Variants in SFMBT2 observed in about 807,000 individuals in gnomAD.
SFMBT2 encodes Scm like with four mbt domains 2.
SFMBT2 carries 38 observed loss-of-function variants against 110.1 expected under a neutral mutation model. The ratio of observed to expected loss-of-function variants is 0.35; its 90% CI spans 0.27 to 0.45. SFMBT2 has a LOEUF of 0.45. Among genes scored for constraint, SFMBT2 ranks in the 20% least tolerant of loss-of-function variants. The pLI is 1.00. For synonymous variants in SFMBT2, 425 were observed against 425.4 expected (o/e 1.00, Z 0.01); for missense variants, 1,011 against 1,094.9 (o/e 0.92, Z 1.08).
intron 2 of SFMBT2, among the ~76,000 whole-genome samples, chr10:7,381,150 G>C (rs1438836141): frequency 6.6e-6 from 1 of 152,100 alleles, no homozygotes; most frequent in East Asian, 1.9e-4. Context: ...AGTCCGAGGA[G>C]GGAGCTGTTC....
chr10:7,298,951 CTG>C (rs1842485964), intron 4 of SFMBT2, among the ~76,000 whole-genome samples: 1 of 152,186 alleles, frequency 6.6e-6, no homozygotes, highest in South Asian at 2.1e-4. Flanking sequence ...TGGCTCACAT[CTG>C]TAACCCCAGC....
At chr10:7,340,576 C>A (rs577882202) in intron 4 of SFMBT2, among the ~76,000 whole-genome samples, 1 of 149,534 alleles carries the variant, frequency 6.7e-6, no homozygotes, top group African/African-American at 2.5e-5. Context: ...TGGCTTGAGC[C>A]CAGGAAGTGG....
rs760008467 is a variant in SFMBT2 at position 7,392,983 on chromosome 10, TTATATATATATATATATA to T, written c.-51-11052_-51-11035del. 4.2e-3 allele frequency among the ~76,000 whole-genome samples: 252 copies of T among 59,948 alleles called. 2 individuals carry two copies. The highest frequency in any genetic ancestry group is 0.021 in the Middle Eastern group (2 of 94). The allele number at this position is 59,948 out of a possible 152,430, so 39.3% of individuals were successfully genotyped here. On this transcript the variant is annotated intron_variant, in intron 1 of 20. Coordinates refer to ENST00000397167, the MANE Select transcript of SFMBT2 (RefSeq NM_001387889.1). The stretch of plus-strand genomic sequence containing the variant: ...CTATATATACAAGTATGTGGATAGA[TTATATATATATATATATA>T]TATATATATATATATATATATATAT...
At chr10:7,391,562 G>C (rs913791867) in intron 1 of SFMBT2, among the ~76,000 whole-genome samples, 1 of 151,996 alleles carries the variant, frequency 6.6e-6, no homozygotes, top group Non-Finnish European at 1.5e-5. Flanking sequence ...GTCCACCCAG[G>C]TGACTGCAAA....
intron 4 of SFMBT2, among the ~76,000 whole-genome samples, chr10:7,303,376 C>T (rs986392984): frequency 1.3e-5 from 2 of 152,162 alleles, no homozygotes; most frequent in African/African-American, 4.8e-5. Flanking sequence ...AGTAATTCAT[C>T]AATTTATGTA....
chr10:7,370,602 G>C (rs1323925133), intron 2 of SFMBT2, among the ~76,000 whole-genome samples: 1 of 152,226 alleles, frequency 6.6e-6, no homozygotes, highest in African/African-American at 2.4e-5. Context: ...ATGAAATCAA[G>C]AGTAACACTG....
At chr10:7,325,747 A>G (rs1843361976) in intron 4 of SFMBT2, among the ~76,000 whole-genome samples, 2 of 152,192 alleles carry the variant, frequency 1.3e-5, no homozygotes, top group Admixed American at 1.3e-4. Context: ...GACAGAAGAT[A>G]GTATCAGGGT....
chr10:7,198,457 T>C (rs542340552), intron 14 of SFMBT2, among the ~76,000 whole-genome samples: 1 of 152,302 alleles, frequency 6.6e-6, no homozygotes, highest in African/African-American at 2.4e-5. Flanking sequence ...CGCATCTGTA[T>C]CTTCAGTTTT....
chr10:7,320,609 G>A, intron 4 of SFMBT2: 6 of 985,226 alleles, frequency 6.1e-6, no homozygotes, highest in Non-Finnish European at 7.2e-6. Context: ...CCAATATATG[G>A]AATTCCTTTT....
intron 7 of SFMBT2, chr10:7,248,972 A>C: frequency 4.3e-6 from 1 of 231,146 alleles, no homozygotes; most frequent in Non-Finnish European, 7.1e-6. Context: ...GCAATCTGTC[A>C]TCCTAACACA....
chr10:7,284,328 C>T, intron 5 of SFMBT2, 178 bp from the exon 6 acceptor site: 2 of 1,420,198 alleles, frequency 1.4e-6, no homozygotes, highest in Non-Finnish European at 1.8e-6. Context: ...CCTTTCCTCC[C>T]TCCCACACAT....
intron 4 of SFMBT2, among the ~76,000 whole-genome samples, chr10:7,339,720 G>C (rs975221481): frequency 6.6e-6 from 1 of 152,180 alleles, no homozygotes; most frequent in African/African-American, 2.4e-5. Flanking sequence ...CCCTTAGACA[G>C]GCCAACTTCG....
In SFMBT2 at chr10:7,161,169, TC is replaced by T. The variant is rs2131497954; in HGVS notation, c.*2600del. 1 of 152,354 alleles carries T rather than the reference TC, an allele frequency of 6.6e-6. No individual in the cohort carries two copies. The highest frequency in any genetic ancestry group is 2.4e-5 in the African/African-American group (1 of 41,578). 9.4% of individuals were successfully genotyped at this position (152,354 alleles called of 1,614,324 possible). A position where few individuals can be genotyped will look rare whatever the true frequency, so the allele number is the denominator to read the frequency against. On this transcript the variant is annotated 3_prime_UTR_variant, in exon 21 of 21. Coordinates refer to ENST00000397167, the MANE Select transcript of SFMBT2 (RefSeq NM_001387889.1). ...TCCCCTGCGACAGTGGCTGTATCCT[TC>T]CTGAGCTCCTGGCGGGCCACACACT...
intron 8 of SFMBT2, 41 bp downstream of exon 8, chr10:7,248,507 A>G (rs1840691744): frequency 6.5e-7 from 1 of 1,533,856 alleles, no homozygotes; most frequent in Non-Finnish European, 9.0e-7. Context: ...AATTTGATCC[A>G]CTCTAGGGGC....
intron 11 of SFMBT2, chr10:7,214,548 A>G: frequency 1.0e-6 from 1 of 985,222 alleles, no homozygotes; most frequent in Non-Finnish European, 1.2e-6. Flanking sequence ...TTAAATACCT[A>G]TGAGGAAATT....
intron 4 of SFMBT2, among the ~76,000 whole-genome samples, chr10:7,313,163 C>A (rs1329364626): frequency 6.7e-6 from 1 of 149,802 alleles, no homozygotes; most frequent in Non-Finnish European, 1.5e-5. Context: ...GAGAATAATA[C>A]AATTGTTATA....
At chr10:7,247,026 T>C (rs1457022532) in intron 8 of SFMBT2, among the ~76,000 whole-genome samples, 5 of 152,272 alleles carry the variant, frequency 3.3e-5, no homozygotes, top group African/African-American at 7.2e-5. Flanking sequence ...TAATCAGGAA[T>C]ACATGACTTT....
intron 1 of SFMBT2, among the ~76,000 whole-genome samples, chr10:7,393,408 A>G (rs1350544874): frequency 6.6e-6 from 1 of 152,170 alleles, no homozygotes; most frequent in African/African-American, 2.4e-5. Context: ...TCGAAGGAAC[A>G]GAAACTCTGC....
chr10:7,347,339 A>G (rs1371102587), intron 4 of SFMBT2, among the ~76,000 whole-genome samples: 2 of 152,186 alleles, frequency 1.3e-5, no homozygotes, highest in Admixed American at 6.5e-5. Flanking sequence ...AAAGAGCAGT[A>G]AACTTCTAAA....
Sources: allele counts gnomAD v4.1 joint callset (sites outside exome capture counted in the v4.1 genomes callset), GRCh38; gene constraint gnomAD v4.1.1; transcripts MANE v1.5; gene names NCBI Gene and HGNC (gene_info 2026-07-23, HGNC 2026-07-21).